FBXW8: variants seen among roughly 807,000 people sequenced by gnomAD.
FBXW8 encodes the protein F-box/WD repeat-containing protein 8.
A neutral mutation model predicts 65.3 loss-of-function variants in FBXW8; 57 were observed. The ratio of observed to expected loss-of-function variants is 0.87; its 90% CI spans 0.71 to 1.09. The LOEUF (loss-of-function observed/expected upper bound fraction) is 1.09, where lower values mean the gene tolerates loss of function less well. FBXW8 is among the 50% of genes least tolerant of loss of function. FBXW8 has a pLI of 0.00. For synonymous variants in FBXW8, 308 were observed against 330.2 expected (o/e 0.93, Z 0.73); for missense variants, 777 against 814.8 (o/e 0.95, Z 0.57).
intron 1 of FBXW8, among the ~76,000 whole-genome samples, chr12:116,924,305 T>C (rs1285670250): frequency 6.6e-6 from 1 of 152,254 alleles, no homozygotes; most frequent in Admixed American, 6.5e-5. Flanking sequence ...TTATTTTTAA[T>C]GGACACATTA....
chr12:116,954,666 C>T (rs140575822), intron 4 of FBXW8, among the ~76,000 whole-genome samples: 1 of 152,156 alleles, frequency 6.6e-6, no homozygotes, highest in South Asian at 2.1e-4. Flanking sequence ...GATTGTTTTC[C>T]TAGGCTAGAG....
chr12:116,954,615 G>C (rs1883516969), intron 4 of FBXW8, among the ~76,000 whole-genome samples: 1 of 152,138 alleles, frequency 6.6e-6, no homozygotes, highest in Admixed American at 6.6e-5. Context: ...AAAATAAAGA[G>C]TTAAAGTTCT....
chr12:116,960,774 G>A (rs946130884), intron 4 of FBXW8, among the ~76,000 whole-genome samples: 1 of 152,186 alleles, frequency 6.6e-6, no homozygotes, highest in Non-Finnish European at 1.5e-5. Context: ...ATGGCACTGC[G>A]GTAGGGCCTT....
intron 4 of FBXW8, 109 bp from the exon 5 acceptor site, chr12:116,964,588 A>T: frequency 7.5e-7 from 1 of 1,339,596 alleles, no homozygotes; most frequent in Non-Finnish European, 1.1e-6. Flanking sequence ...CAGTGGCTCT[A>T]CACCACCCGA....
intron 2 of FBXW8, among the ~76,000 whole-genome samples, chr12:116,932,562 G>A (rs2137318005): frequency 6.6e-6 from 1 of 152,128 alleles, no homozygotes; most frequent in South Asian, 2.1e-4. Flanking sequence ...TTTCTTTGAC[G>A]GAGTCTCGCT....
intron 7 of FBXW8, among the ~76,000 whole-genome samples, chr12:117,001,717 T>G (rs552350451): frequency 6.6e-6 from 1 of 152,240 alleles, no homozygotes; most frequent in East Asian, 1.9e-4. Context: ...GTTGGGAGCA[T>G]GAAGGAGGGT....
Position 117,010,421 on chromosome 12 carries a change from C to A in FBXW8, c.1338C>A (p.Asn446Lys), listed in dbSNP as rs936213412. 3.1e-6 allele frequency: 5 copies of A among 1,614,124 alleles called. No individual in the cohort carries two copies. In the South Asian group the frequency reaches 3.3e-5, roughly 11 times the overall value. Residue 446 changes from asparagine to lysine, a missense_variant, in exon 8 of 11, where the codon AAC (asparagine) becomes AAA (lysine). By Grantham distance (94) the Asn-to-Lys change is moderately conservative. Coordinates refer to ENST00000652555, the MANE Select transcript of FBXW8 (RefSeq NM_153348.3). ...TCVNLSDSPPNLMVSGNMDGR... is the reference protein window; with the variant it reads ...TCVNLSDSPPKLMVSGNMDGR... ...TCAACCTCAGCGACAGCCCTCCCAA[C>A]CTCATGGTCAGTGGCAACATGGACG...
chr12:116,951,216 G>A (rs1412108002), intron 4 of FBXW8: 1 of 152,192 alleles, frequency 6.6e-6, no homozygotes, highest in Non-Finnish European at 1.5e-5. Flanking sequence ...AGAGGCTCCT[G>A]GTGGCTCCTC....
chr12:117,007,436 A>G (rs1016795438), intron 7 of FBXW8, among the ~76,000 whole-genome samples: 36 of 152,200 alleles, frequency 2.4e-4, no homozygotes, highest in African/African-American at 8.0e-4. Context: ...CAGCCTCAAC[A>G]TGGTTTAGCT....
chr12:116,942,302 CT>C (rs543764887), intron 2 of FBXW8, among the ~76,000 whole-genome samples: 18 of 151,054 alleles, frequency 1.2e-4, no homozygotes, highest in African/African-American at 4.1e-4. Context: ...ATTACAGACT[CT>C]TTTTTTTCCT....
intron 8 of FBXW8, among the ~76,000 whole-genome samples, chr12:117,022,936 A>G (rs1432770302): frequency 6.6e-6 from 1 of 152,320 alleles, no homozygotes; most frequent in Middle Eastern, 3.4e-3. Context: ...GTGTGCCTCC[A>G]TGGACCCAGC....
rs11068233 is a variant in FBXW8 at position 116,920,619 on chromosome 12, C to T, written c.319-7404C>T. Among the ~76,000 whole-genome samples the T allele has an allele frequency of 8.1e-3, 1,233 of 152,052 alleles. 54 individuals carry two copies. The South Asian group carries it at 0.1, about 13-fold the overall frequency. The stretch of plus-strand genomic sequence containing the variant: ...TGGGAAGGTCACATTTCATGGAGAA[C>T]CTAAAGGAGGTGAGGAGTGAACATA... On this transcript the variant is annotated intron_variant, in intron 1 of 10. Coordinates refer to ENST00000652555, the MANE Select transcript of FBXW8 (RefSeq NM_153348.3).
chr12:116,998,573 C>T (rs993673792), intron 7 of FBXW8, among the ~76,000 whole-genome samples: 3 of 152,200 alleles, frequency 2.0e-5, no homozygotes, highest in African/African-American at 4.8e-5. Flanking sequence ...CCATTTATTT[C>T]ACCTTCACAG....
At chr12:116,938,435 G>A (rs187296011) in intron 2 of FBXW8, among the ~76,000 whole-genome samples, 1 of 152,262 alleles carries the variant, frequency 6.6e-6, no homozygotes, top group African/African-American at 2.4e-5. Context: ...TTAGTGATGT[G>A]AATGATGCAC....
chr12:116,917,087 G>A (rs572895124), intron 1 of FBXW8, among the ~76,000 whole-genome samples: 1 of 152,250 alleles, frequency 6.6e-6, no homozygotes, highest in South Asian at 2.1e-4. Flanking sequence ...ATTCTCATGT[G>A]GCCAAGTCCA....
chr12:117,015,984 AC>A (rs35740383), intron 8 of FBXW8, among the ~76,000 whole-genome samples: 7 of 152,174 alleles, frequency 4.6e-5, no homozygotes, highest in Non-Finnish European at 1.0e-4. Flanking sequence ...TTTAAGATAA[AC>A]CCAAGTTGTA....
chr12:117,021,850 C>T (rs1954107707), intron 8 of FBXW8, among the ~76,000 whole-genome samples: 1 of 152,186 alleles, frequency 6.6e-6, no homozygotes, highest in Non-Finnish European at 1.5e-5. Context: ...CTAAAGACCA[C>T]ATCTGGAATG....
chr12:116,948,248 T>C (rs1443579066), intron 3 of FBXW8, among the ~76,000 whole-genome samples: 1 of 152,224 alleles, frequency 6.6e-6, no homozygotes, highest in Admixed American at 6.5e-5. Flanking sequence ...AGGCCCTCTA[T>C]TTTTCTTTCA....
chr12:117,013,770 TCAG>T (rs1366938147), intron 8 of FBXW8, among the ~76,000 whole-genome samples: 2 of 152,060 alleles, frequency 1.3e-5, no homozygotes, highest in African/African-American at 4.8e-5. Context: ...TTTATTATCA[TCAG>T]TGGTGTTTTC....
Sources: gnomAD v4.1 joint callset for allele counts (sites outside exome capture counted in the v4.1 genomes callset) on GRCh38, gnomAD v4.1.1 for gene constraint, MANE v1.5 for transcripts, NCBI Gene and HGNC (gene_info 2026-07-23, HGNC 2026-07-21) for gene names.